Variants in ANKRD18A observed in about 807,000 individuals in gnomAD.
The protein encoded by ANKRD18A is ankyrin repeat domain 18A.
A neutral mutation model predicts 110.6 loss-of-function variants in ANKRD18A; 72 were observed. The observed-to-expected ratio is 0.65, with a 90% confidence interval of 0.54 to 0.79. ANKRD18A has a LOEUF of 0.79. Ranked by LOEUF, ANKRD18A falls within the 30% of genes least tolerant of loss-of-function variation. ANKRD18A has a pLI of 0.00. For missense variants in ANKRD18A, 934 were observed against 1,163.3 expected (o/e 0.80, Z 2.87); for synonymous variants, 305 against 410.3 (o/e 0.74, Z 3.10).
In ANKRD18A at chr9:38,603,154, C is replaced by T; in HGVS notation, c.862+5G>A. On this transcript the variant is annotated splice_donor_5th_base_variant and intron_variant, in intron 7 of 15. Coordinates refer to ENST00000399703, the MANE Select transcript of ANKRD18A (RefSeq NM_147195.4). ...GGTTAGGAGTAGAGAACTCAAGTGT[C>T]TTACCTTTTGCACGTTCTTTTCTTT... The T allele has an allele frequency of 1.9e-6, 3 of 1,550,828 alleles. No individual in the cohort carries two copies. The highest frequency in any genetic ancestry group is 2.6e-6 in the Non-Finnish European group (3 of 1,146,526).
intron 6 of ANKRD18A, among the ~76,000 whole-genome samples, chr9:38,605,084 C>A (rs1052589549): frequency 6.6e-6 from 1 of 152,154 alleles, no homozygotes. Flanking sequence ...ACATACTGAA[C>A]GTGATACATA....
Position 38,611,556 on chromosome 9 carries a change from C to A in ANKRD18A, c.496-235G>T, listed in dbSNP as rs114794857. ...TCCAAAACTCACTTTATTTACCAGT[C>A]CCCAAAATCCTTGCTTCTATCTCAG... On this transcript the variant is annotated intron_variant, in intron 3 of 15. Coordinates refer to ENST00000399703, the MANE Select transcript of ANKRD18A (RefSeq NM_147195.4). 7.0e-3 allele frequency among the ~76,000 whole-genome samples: 1,067 copies of A among 152,286 alleles called. 15 individuals are homozygous for A. The highest frequency in any genetic ancestry group is 0.024 in the African/African-American group (997 of 41,568).
chr9:38,614,029 T>G (rs1825749457), intron 3 of ANKRD18A, among the ~76,000 whole-genome samples: 1 of 152,212 alleles, frequency 6.6e-6, no homozygotes, highest in South Asian at 2.1e-4. Flanking sequence ...CCCTTTCACT[T>G]CCCAGTCACA....
At chr9:38,594,613 T>G (rs1824796363) in intron 9 of ANKRD18A, among the ~76,000 whole-genome samples, 1 of 152,190 alleles carries the variant, frequency 6.6e-6, no homozygotes, top group Non-Finnish European at 1.5e-5. Context: ...TTTAAAATAC[T>G]AAGTGGTCAG....
Position 38,571,661 on chromosome 9 carries a change from C to G in ANKRD18A, c.*384G>C, listed in dbSNP as rs960770323. The G allele has an allele frequency of 3.8e-5, 39 of 1,017,506 alleles. No individual in the cohort carries two copies. The highest frequency in any genetic ancestry group is 4.5e-5 in the Non-Finnish European group (38 of 852,170). The allele number at this position is 1,017,506 out of a possible 1,614,324, so 63.0% of individuals were successfully genotyped here. On this transcript the variant is annotated 3_prime_UTR_variant, in exon 16 of 16. Coordinates refer to ENST00000399703, the MANE Select transcript of ANKRD18A (RefSeq NM_147195.4). Reference sequence around the variant, plus strand: ...AAACTGTAAAATGCAAAGAAGCCCTCGATGACCTTTACTAAAGTATCAATG... The same window carrying G: ...AAACTGTAAAATGCAAAGAAGCCCTGGATGACCTTTACTAAAGTATCAATG...
chr9:38,601,301 G>A (rs1410043634), intron 7 of ANKRD18A, 97 bp from the exon 8 acceptor site: 12 of 1,175,282 alleles, frequency 1.0e-5, no homozygotes, highest in Non-Finnish European at 1.4e-5. Context: ...TAAATTGAGA[G>A]TTTAAATGAA....
rs776087633 is a variant in ANKRD18A, at chr9:38,573,701, G to A, written c.2965-1642C>T. Reference sequence around the variant, plus strand: ...CGGCACTCCAGCCTAGTGACAGAGCGAAACTCCATCTCAAAAAAAAGAAAA... The same window carrying A: ...CGGCACTCCAGCCTAGTGACAGAGCAAAACTCCATCTCAAAAAAAAGAAAA... On this transcript the variant is annotated intron_variant, in intron 15 of 15. Coordinates refer to ENST00000399703, the MANE Select transcript of ANKRD18A (RefSeq NM_147195.4). Among the ~76,000 whole-genome samples the A allele has an allele frequency of 4.8e-4, 72 of 150,314 alleles. 1 individual carries two copies. The highest frequency in any genetic ancestry group is 1.0e-3 in the Non-Finnish European group (68 of 67,766).
chr9:38,613,045 A>G (rs1825704805), intron 3 of ANKRD18A, among the ~76,000 whole-genome samples: 1 of 152,064 alleles, frequency 6.6e-6, no homozygotes, highest in African/African-American at 2.4e-5. Flanking sequence ...ATATATTATG[A>G]ACCAATATAT....
intron 3 of ANKRD18A, among the ~76,000 whole-genome samples, chr9:38,614,340 C>T (rs1212702885): frequency 4.0e-4 from 60 of 150,228 alleles, no homozygotes; most frequent in Admixed American, 3.8e-3. Flanking sequence ...CTCCTGACCT[C>T]GTGATCTGCC....
chr9:38,568,840 C>A (rs1383709664), downstream of ANKRD18A: 95 of 985,292 alleles, frequency 9.6e-5, no homozygotes, highest in Non-Finnish European at 1.1e-4. Context: ...CAGGATGAGG[C>A]CCAACTGGGC....
intron 11 of ANKRD18A, among the ~76,000 whole-genome samples, chr9:38,588,246 C>A (rs938832287): frequency 1.3e-5 from 2 of 152,118 alleles, no homozygotes. Flanking sequence ...CCCCGTTTCT[C>A]CCCTTCCATT....
In ANKRD18A at chr9:38,578,122, T is replaced by C. The variant is rs1430724992; in HGVS notation, c.2274A>G (p.Glu758=). Residue 758 remains glutamate (E), a synonymous_variant, in exon 13 of 16, where the codon GAA becomes GAG. Coordinates refer to ENST00000399703, the MANE Select transcript of ANKRD18A (RefSeq NM_147195.4). ...QKFNDLVAEK[E]AVSSECVNLA... ...AATTGACACATTCTGAAGACACAGC[T>C]TCCTTCTCGGCCACAAGATCATTAA... The C allele has an allele frequency of 6.5e-7, 1 of 1,547,326 alleles. No homozygotes were observed.
chr9:38,595,803 G>T lies in ANKRD18A; in HGVS notation c.1537C>A (p.Gln513Lys), dbSNP rs1246919143. The T allele has an allele frequency of 1.3e-6, 2 of 1,551,024 alleles. No homozygotes were observed. Among genetic ancestry groups the T allele is most frequent in the South Asian group, 2.4e-5 (2 of 83,918 alleles). Residue 513 changes from glutamine (Q) to lysine (K), a missense_variant, in exon 9 of 16, where the codon CAA becomes AAA. Gln to Lys is a moderately conservative substitution (Grantham distance 53). This residue lies in a region of ANKRD18A where 630 missense variants were observed against 797.5 expected (regional missense o/e 0.79). Coordinates refer to ENST00000399703, the MANE Select transcript of ANKRD18A (RefSeq NM_147195.4). ...ALGSVQLDLRQAQHRIKEMKQ... is the reference protein window; with the variant it reads ...ALGSVQLDLRKAQHRIKEMKQ... ...ATTTCCTTTATTCGATGCTGTGCTT[G>T]CCTTAGGTCCAGCTGTACACTTCCT...
In ANKRD18A at chr9:38,596,735, T is replaced by A. The variant is rs1824899027; in HGVS notation, c.937-332A>T. ...TAAAAAATTTGACTAAATTAAAATC[T>A]TGGAAAAAGGAAATTGCATTTATAC... On this transcript the variant is annotated intron_variant, in intron 8 of 15. Transcript: ENST00000399703. Among the ~76,000 whole-genome samples, 3 of 152,142 alleles carry A rather than the reference T, an allele frequency of 2.0e-5. No homozygotes were observed. In the South Asian group the frequency reaches 6.2e-4, roughly 31 times the overall value.
chr9:38,588,482 T>C, intron 11 of ANKRD18A, 69 bp downstream of exon 11: 1 of 1,023,874 alleles, frequency 9.8e-7, no homozygotes, highest in Non-Finnish European at 1.3e-6. Context: ...ATCAAAGTTT[T>C]AGTCAAGTAA....
downstream of ANKRD18A, chr9:38,567,614 G>C (rs1438686532): frequency 6.6e-6 from 1 of 152,626 alleles, no homozygotes; most frequent in African/African-American, 2.4e-5. Flanking sequence ...ACTTTGGTAA[G>C]AGCTTCCTTG....
At chr9:38,593,248 A>G (rs1824733849) in intron 10 of ANKRD18A, among the ~76,000 whole-genome samples, 2 of 152,234 alleles carry the variant, frequency 1.3e-5, no homozygotes, top group South Asian at 4.1e-4. Flanking sequence ...GGCAATGCCT[A>G]ACTTTTCAAG....
chr9:38,609,240 G>A lies in ANKRD18A; in HGVS notation c.740+1033C>T, dbSNP rs139659835. ...CACGCCTGTAATCACAGCACTTTAG[G>A]AGGCCGAGGAGGGTGGATCACAAGG... On this transcript the variant is annotated intron_variant, in intron 5 of 15. Transcript: ENST00000399703. Among the ~76,000 whole-genome samples the A allele has an allele frequency of 6.9e-3, 1,043 of 152,246 alleles. 12 individuals carry two copies. The highest frequency in any genetic ancestry group is 0.023 in the African/African-American group (966 of 41,540).
chr9:38,600,651 T>C (rs574887768), intron 8 of ANKRD18A, among the ~76,000 whole-genome samples: 2 of 152,310 alleles, frequency 1.3e-5, no homozygotes, highest in African/African-American at 4.8e-5. Context: ...TCCCTGAACA[T>C]AGACACTGAA....
Sources: allele counts gnomAD v4.1 joint callset (sites outside exome capture counted in the v4.1 genomes callset), GRCh38; gene constraint gnomAD v4.1.1; regional missense constraint gnomAD v4.1.1; transcripts MANE v1.5; gene names NCBI Gene and HGNC (gene_info 2026-07-23, HGNC 2026-07-21).